GRM1: variants seen among roughly 807,000 people sequenced by gnomAD.
The protein encoded by GRM1 is metabotropic glutamate receptor 1.
A neutral mutation model predicts 90.9 loss-of-function variants in GRM1; 33 were observed. The observed-to-expected ratio is 0.36, with a 90% CI of 0.28 to 0.49. The LOEUF (loss-of-function observed/expected upper bound fraction) is 0.49. GRM1 is among the 20% of genes least tolerant of loss of function. The pLI, the probability that GRM1 is intolerant of heterozygous loss-of-function variation, is 0.99. For missense variants in GRM1, 1,190 were observed against 1,534.3 expected (o/e 0.78, Z 3.75); for synonymous variants, 700 against 613.2 (o/e 1.14, Z -2.09).
chr6:146,121,560 C>G (rs1355425032), intron 1 of GRM1, among the ~76,000 whole-genome samples: 2 of 152,082 alleles, frequency 1.3e-5, no homozygotes. Context: ...CCTGCTTTCT[C>G]TTGTGGGCAT....
In GRM1 at chr6:146,311,129, C is replaced by A. The variant is rs1443196234; in HGVS notation, c.1186+6283C>A. On this transcript the variant is annotated intron_variant, in intron 3 of 7. Transcript: ENST00000282753. ...ATAAGAAGAATGGTGCAATATTGCA[C>A]CCAGGATCTCGTCGAGCAAAGCCAA... Among the ~76,000 whole-genome samples the A allele has an allele frequency of 2.6e-5, 4 of 152,114 alleles. No homozygotes were observed. The East Asian group carries it at 7.7e-4, about 29-fold the overall frequency.
At chr6:146,100,918 T>A (rs879484853) in intron 1 of GRM1, among the ~76,000 whole-genome samples, 4 of 152,094 alleles carry the variant, frequency 2.6e-5, no homozygotes, top group African/African-American at 7.2e-5. Context: ...GGCAACATAG[T>A]GAGATCCTGT....
chr6:146,053,288 T>G (rs1288508075), intron 1 of GRM1, among the ~76,000 whole-genome samples: 1 of 152,094 alleles, frequency 6.6e-6, no homozygotes, highest in Non-Finnish European at 1.5e-5. Flanking sequence ...TGTACAAGGT[T>G]TTGCCCAACA....
chr6:146,321,661 T>C (rs961723632), intron 3 of GRM1, among the ~76,000 whole-genome samples: 1 of 151,908 alleles, frequency 6.6e-6, no homozygotes, highest in Non-Finnish European at 1.5e-5. Context: ...CTGTATTGGG[T>C]GCATATTTAG....
intron 3 of GRM1, among the ~76,000 whole-genome samples, chr6:146,318,418 G>A (rs1023016678): frequency 6.6e-6 from 1 of 152,144 alleles, no homozygotes; most frequent in Non-Finnish European, 1.5e-5. Flanking sequence ...GGGCATTTGG[G>A]TTGGTTCCGA....
At chr6:146,178,998 G>C (rs1407525159) in intron 2 of GRM1, among the ~76,000 whole-genome samples, 1 of 152,206 alleles carries the variant, frequency 6.6e-6, no homozygotes, top group African/African-American at 2.4e-5. Context: ...CCTTGGAAGA[G>C]AGTCCTGTGA....
intron 1 of GRM1, among the ~76,000 whole-genome samples, chr6:146,128,178 G>A (rs1352549419): frequency 6.6e-6 from 1 of 152,168 alleles, no homozygotes; most frequent in East Asian, 1.9e-4. Context: ...CACAGTCACA[G>A]ACCCACTATC....
At chr6:146,363,976 G>A (rs138234774) in intron 5 of GRM1, among the ~76,000 whole-genome samples, 1 of 152,206 alleles carries the variant, frequency 6.6e-6, no homozygotes, top group Non-Finnish European at 1.5e-5. Flanking sequence ...GCCTAAAAAG[G>A]CAGGGGAAAA....
intron 5 of GRM1, among the ~76,000 whole-genome samples, chr6:146,364,538 A>C (rs1407437619): frequency 6.6e-6 from 1 of 152,164 alleles, no homozygotes; most frequent in Non-Finnish European, 1.5e-5. Flanking sequence ...ACTAACGTGG[A>C]TTATCTTTGA....
At chr6:146,231,368 T>C (rs1780445898) in intron 2 of GRM1, among the ~76,000 whole-genome samples, 1 of 152,120 alleles carries the variant, frequency 6.6e-6, no homozygotes, top group South Asian at 2.1e-4. Flanking sequence ...ACACTTTAAA[T>C]GTCTTTCCAC....
chr6:146,401,825 G>A (rs1777169187), intron 7 of GRM1, among the ~76,000 whole-genome samples: 1 of 152,180 alleles, frequency 6.6e-6, no homozygotes, highest in Admixed American at 6.5e-5. Flanking sequence ...TGTACAGACA[G>A]ATATGGGCAC....
chr6:146,386,796 T>C (rs1431289256), intron 5 of GRM1, 94 bp from the exon 6 acceptor site: 27 of 928,042 alleles, frequency 2.9e-5, no homozygotes, highest in Non-Finnish European at 4.5e-5. Context: ...TAGTCTTTTT[T>C]TCTTTATTCA....
At position 146,435,262 on chromosome 6, in the gene GRM1, CAG is replaced by C; in HGVS notation, c.*469_*470del. The C allele has an allele frequency of 6.6e-6, 2 of 302,532 alleles. No individual in the cohort carries two copies. The highest frequency in any genetic ancestry group is 1.3e-5 in the Non-Finnish European group (2 of 157,630). 18.7% of individuals were successfully genotyped at this position (302,532 alleles called of 1,614,324 possible). A position where few individuals can be genotyped will look rare whatever the true frequency, so the allele number is the denominator to read the frequency against. On this transcript the variant is annotated 3_prime_UTR_variant, in exon 8 of 8. Transcript: ENST00000282753. ...TTCGGAGTGAGCTGGTGGAGCCAGA[CAG>C]AGCAGGTGCGGGGAAGGGAAGGGCC... is the stretch of plus-strand genomic sequence containing the variant.
At chr6:146,041,348 A>G (rs1791096499) in intron 1 of GRM1, among the ~76,000 whole-genome samples, 2 of 151,874 alleles carry the variant, frequency 1.3e-5, no homozygotes, top group Admixed American at 6.6e-5. Context: ...AAGGTTAGTT[A>G]TTTATCCCAG....
At chr6:146,128,260 G>A (rs969890154) in intron 1 of GRM1, among the ~76,000 whole-genome samples, 1 of 152,152 alleles carries the variant, frequency 6.6e-6, no homozygotes, top group Non-Finnish European at 1.5e-5. Context: ...AGAACATGTG[G>A]AAGGGGATAT....
At chr6:146,236,114 T>C (rs1780638307) in intron 2 of GRM1, among the ~76,000 whole-genome samples, 1 of 152,184 alleles carries the variant, frequency 6.6e-6, no homozygotes, top group Non-Finnish European at 1.5e-5. Context: ...GGCTTCTAAT[T>C]CTTCCAAAGC....
At position 146,358,959 on chromosome 6, in the gene GRM1, C is replaced by T. The variant is rs1775347355; in HGVS notation, c.1602+1265C>T. Among the ~76,000 whole-genome samples, 6 of 152,256 alleles carry T rather than the reference C, an allele frequency of 3.9e-5. No individual in the cohort carries two copies. In the South Asian group the frequency reaches 1.2e-3, roughly 32 times the overall value. On this transcript the variant is annotated intron_variant, in intron 5 of 7. Coordinates refer to ENST00000282753, the MANE Select transcript of GRM1 (RefSeq NM_001278064.2). ...GACAACCAGTCCATCAGCATAGACTCCATTCTCATGCTGTGACACAGTACT... is the reference window on the plus strand; with the variant it reads ...GACAACCAGTCCATCAGCATAGACTTCATTCTCATGCTGTGACACAGTACT...
At chr6:146,150,934 G>A (rs527615163) in intron 1 of GRM1, among the ~76,000 whole-genome samples, 16,238 of 96,150 alleles carry the variant, frequency 0.17, 1,752 homozygotes, top group African/African-American at 0.41. Context: ...ACACGCGTGT[G>A]CGCGCACACA....
At chr6:146,219,888 T>C (rs1187444833) in intron 2 of GRM1, among the ~76,000 whole-genome samples, 1 of 151,590 alleles carries the variant, frequency 6.6e-6, no homozygotes, top group Non-Finnish European at 1.5e-5. Flanking sequence ...ATACCTCCAA[T>C]AAAATGAATC....
Sources: gnomAD v4.1 joint callset for allele counts (sites outside exome capture counted in the v4.1 genomes callset) on GRCh38, gnomAD v4.1.1 for gene constraint, MANE v1.5 for transcripts, NCBI Gene and HGNC (gene_info 2026-07-23, HGNC 2026-07-21) for gene names.